The following TM9SF3 variants were observed in gnomAD, a reference collection of about 807,000 sequenced individuals.
TM9SF3 encodes the protein SM-11044-binding protein.
In TM9SF3, 14 loss-of-function variants were observed where a neutral mutation model predicts 78.6. That is an observed-to-expected ratio of 0.18 (90% confidence interval 0.12 to 0.28). The LOEUF (loss-of-function observed/expected upper bound fraction) is 0.28. TM9SF3 is among the 10% of genes least tolerant of loss of function. TM9SF3 has a pLI of 1.00. For synonymous variants in TM9SF3, 231 were observed against 241.7 expected (o/e 0.96, Z 0.41); for missense variants, 496 against 721.9 (o/e 0.69, Z 3.59).
chr10:96,569,514 C>T (rs970210426), intron 2 of TM9SF3, among the ~76,000 whole-genome samples: 3 of 152,138 alleles, frequency 2.0e-5, no homozygotes, highest in Non-Finnish European at 4.4e-5. Context: ...ATTAACTGAC[C>T]AACCTGACTA....
At chr10:96,570,014 T>A (rs536181849) in intron 2 of TM9SF3, among the ~76,000 whole-genome samples, 1 of 151,762 alleles carries the variant, frequency 6.6e-6, no homozygotes, top group Non-Finnish European at 1.5e-5. Flanking sequence ...AGAGCGAGAC[T>A]CCGTCTCAAA....
At chr10:96,556,474 C>T (rs1044331096) in intron 5 of TM9SF3, among the ~76,000 whole-genome samples, 1 of 152,168 alleles carries the variant, frequency 6.6e-6, no homozygotes, top group African/African-American at 2.4e-5. Flanking sequence ...GCTTTAGCTC[C>T]TTTGCCTGTG....
intron 1 of TM9SF3, among the ~76,000 whole-genome samples, chr10:96,585,378 C>T (rs1031940836): frequency 1.3e-5 from 2 of 152,120 alleles, no homozygotes; most frequent in Non-Finnish European, 2.9e-5. Flanking sequence ...AGTTCTTAAA[C>T]TTTGAGACAG....
At chr10:96,523,778 T>C (rs1847808117) in intron 14 of TM9SF3, among the ~76,000 whole-genome samples, 1 of 151,890 alleles carries the variant, frequency 6.6e-6, no homozygotes, top group Non-Finnish European at 1.5e-5. Flanking sequence ...GTTTTAAAAA[T>C]AAACTGCAAG....
Sources: gnomAD v4.1 joint callset for allele counts (sites outside exome capture counted in the v4.1 genomes callset) on GRCh38, gnomAD v4.1.1 for gene constraint, MANE v1.5 for transcripts, NCBI Gene and HGNC (gene_info 2026-07-23, HGNC 2026-07-21) for gene names.